Variants in HDAC4 observed in about 807,000 individuals in gnomAD.
HDAC4 encodes histone deacetylase A.
HDAC4 carries 16 observed loss-of-function variants against 135.1 expected under a neutral mutation model. That is an observed-to-expected ratio of 0.12 (90% confidence interval 0.08 to 0.18). The LOEUF (loss-of-function observed/expected upper bound fraction) is 0.18, where lower values mean the gene tolerates loss of function less well. HDAC4 is among the 10% of genes least tolerant of loss of function. HDAC4 has a pLI of 1.00. For synonymous variants in HDAC4, 685 were observed against 653.4 expected (o/e 1.05, Z -0.74); for missense variants, 1,143 against 1,511.8 (o/e 0.76, Z 4.05).
At chr2:239,317,982 A>G (rs1575686292) in intron 2 of HDAC4, among the ~76,000 whole-genome samples, 2 of 150,522 alleles carry the variant, frequency 1.3e-5, no homozygotes, top group East Asian at 3.9e-4. Context: ...GTTTCCAAGA[A>G]CCTCCTGAGG....
Position 239,352,933 on chromosome 2 carries a change from G to A in HDAC4, c.-219-15C>T, listed in dbSNP as rs1025338651. On this transcript the variant is annotated splice_polypyrimidine_tract_variant and intron_variant, in intron 1 of 26. Coordinates refer to ENST00000543185, the MANE Select transcript of HDAC4 (RefSeq NM_001378414.1). This position sits in a 1 kb window ranked among gnomAD's most constrained non-coding sequence, Gnocchi z 4.4. ...TGCAGATGAACCTGCAAGGTCAGAA[G>A]GAGAAAAGAGACTGGAGTTACAACA... The A allele has an allele frequency of 1.8e-5, 10 of 561,636 alleles. No individual in the cohort carries two copies. The African/African-American group carries it at 1.9e-4, about 11-fold the overall frequency. The allele number at this position is 561,636 out of a possible 1,614,324, so 34.8% of individuals were successfully genotyped here.
intron 1 of HDAC4, among the ~76,000 whole-genome samples, chr2:239,354,482 C>G (rs766312383): frequency 9.2e-5 from 14 of 151,528 alleles, no homozygotes; most frequent in Non-Finnish European, 7.4e-5. Context: ...GATCCCAGCT[C>G]AAGTGCTTTC....
intron 4 of HDAC4, among the ~76,000 whole-genome samples, chr2:239,179,225 T>C (rs1470099079): frequency 2.0e-5 from 3 of 152,220 alleles, no homozygotes; most frequent in African/African-American, 7.2e-5. Flanking sequence ...GCCCATGGGA[T>C]GCCACCCACG....
intron 19 of HDAC4, among the ~76,000 whole-genome samples, chr2:239,087,101 C>T (rs868691750): frequency 1.3e-5 from 2 of 152,176 alleles, no homozygotes; most frequent in Admixed American, 6.5e-5. Context: ...CTGAAAGACC[C>T]GAAACAGCAT....
chr2:239,066,844 G>T lies in HDAC4; in HGVS notation c.2881C>A (p.Leu961Met), dbSNP rs774690783. 3 of 1,613,218 alleles carry T rather than the reference G, an allele frequency of 1.9e-6. No individual in the cohort carries two copies. Among genetic ancestry groups the T allele is most frequent in the Non-Finnish European group, 2.5e-6 (3 of 1,179,836 alleles). ...GCCAGGCCCATCAGCTGCTTCGTCAGGTACCCGAAGCCTGCAACGGGAAAC... is the reference window on the plus strand; with the variant it reads ...GCCAGGCCCATCAGCTGCTTCGTCATGTACCCGAAGCCTGCAACGGGAAAC... Reference protein sequence around the residue: ...YNLSARCFGYLTKQLMGLAGG... With the variant: ...YNLSARCFGYMTKQLMGLAGG... Residue 961 changes from leucine (L) to methionine (M), a missense_variant, in exon 24 of 27, where the codon CTG (leucine) becomes ATG (methionine). This residue lies in a region of HDAC4 where 189 missense variants were observed against 317.6 expected (regional missense o/e 0.60). Coordinates refer to ENST00000543185, the MANE Select transcript of HDAC4 (RefSeq NM_001378414.1).
chr2:239,074,222 C>A (rs1158336825), intron 22 of HDAC4, among the ~76,000 whole-genome samples: 1 of 152,248 alleles, frequency 6.6e-6, no homozygotes, highest in Non-Finnish European at 1.5e-5. Context: ...AACACATTTC[C>A]AGCCATGCTT....
intron 2 of HDAC4, among the ~76,000 whole-genome samples, chr2:239,259,437 C>A (rs1448677293): frequency 6.6e-6 from 1 of 152,106 alleles, no homozygotes; most frequent in African/African-American, 2.4e-5. Context: ...GAGCAAGACC[C>A]CGTCTCAAAA....
rs1267414968 is a variant in HDAC4 at position 239,048,256 on chromosome 2, AAAG to A, written c.*4838_*4840del. ...AGAATACTGGACTCCAGTGAAGTGG[AAAG>A]AAGGTGACCGTCAGAAGAGGATATC... On this transcript the variant is annotated 3_prime_UTR_variant, in exon 27 of 27. Transcript: ENST00000543185. The A allele has an allele frequency of 1.3e-5, 2 of 152,312 alleles. No homozygotes were observed. Among genetic ancestry groups the A allele is most frequent in the Non-Finnish European group, 2.9e-5 (2 of 68,060 alleles). The allele number at this position is 152,312 out of a possible 1,614,324, so 9.4% of individuals were successfully genotyped here.
At chr2:239,183,989 C>T (rs1440249166) in intron 4 of HDAC4, among the ~76,000 whole-genome samples, 1 of 149,048 alleles carries the variant, frequency 6.7e-6, no homozygotes, top group Non-Finnish European at 1.5e-5. Flanking sequence ...CTCTCCTATC[C>T]ACTGTGCTCT....
At chr2:239,319,151 A>G (rs2053224525) in intron 2 of HDAC4, among the ~76,000 whole-genome samples, 1 of 152,264 alleles carries the variant, frequency 6.6e-6, no homozygotes, top group Non-Finnish European at 1.5e-5. Flanking sequence ...TATTACTTCC[A>G]GAAGAAAAGT....
chr2:239,086,454 G>A (rs1021910707), intron 19 of HDAC4, among the ~76,000 whole-genome samples: 9 of 151,666 alleles, frequency 5.9e-5, no homozygotes, highest in Admixed American at 3.9e-4. Context: ...TCTAACACGC[G>A]GATCTGACTG....
At chr2:239,131,152 G>T (rs2040554106) in intron 11 of HDAC4, among the ~76,000 whole-genome samples, 1 of 152,244 alleles carries the variant, frequency 6.6e-6, no homozygotes, top group East Asian at 1.9e-4. Context: ...TGACTGGCGA[G>T]GAACTGCCCG....
chr2:239,201,353 T>C (rs1398710279), intron 3 of HDAC4, among the ~76,000 whole-genome samples: 2 of 152,110 alleles, frequency 1.3e-5, no homozygotes, highest in Admixed American at 6.5e-5. Flanking sequence ...TAACCTGCCG[T>C]AGAGACCCAA....
At chr2:239,088,279 CTG>C (rs2036177886) in intron 18 of HDAC4, among the ~76,000 whole-genome samples, 1 of 152,228 alleles carries the variant, frequency 6.6e-6, no homozygotes, top group South Asian at 2.1e-4. Flanking sequence ...CAACAGGACA[CTG>C]TGTGGTCAAG....
intron 3 of HDAC4, among the ~76,000 whole-genome samples, chr2:239,200,155 G>A (rs566825454): frequency 7.6e-4 from 116 of 152,272 alleles, no homozygotes; most frequent in African/African-American, 2.6e-3. Context: ...ACGAACTATC[G>A]ATCTTTACTG....
intron 1 of HDAC4, among the ~76,000 whole-genome samples, chr2:239,366,982 A>G (rs535656319): frequency 7.3e-6 from 1 of 137,416 alleles, no homozygotes; most frequent in South Asian, 2.1e-4. Context: ...AGCTTCACCA[A>G]CAACATGCCT....
At chr2:239,241,944 G>T (rs2153191743) in intron 2 of HDAC4, among the ~76,000 whole-genome samples, 1 of 152,034 alleles carries the variant, frequency 6.6e-6, no homozygotes, top group African/African-American at 2.4e-5. Context: ...TCTTAATATT[G>T]GCAAGGCAAA....
At chr2:239,179,859 C>T (rs1449545785) in intron 4 of HDAC4, among the ~76,000 whole-genome samples, 1 of 152,274 alleles carries the variant, frequency 6.6e-6, no homozygotes, top group Non-Finnish European at 1.5e-5. Context: ...ACAGGGCTCG[C>T]TGCTCCAAGA....
In HDAC4 at chr2:239,313,550, TG is replaced by T. The variant is rs987213324; in HGVS notation, c.22+39127del. On this transcript the variant is annotated intron_variant, in intron 2 of 26. Coordinates refer to ENST00000543185, the MANE Select transcript of HDAC4 (RefSeq NM_001378414.1). The surrounding 1 kb of genome is among the most constrained non-coding windows in gnomAD (Gnocchi z 5.1). ...TGACCGGAATCATCCCAGTTTTCCATGGCACTTCGCAAACACAGCTGGTCAG... is the reference window on the plus strand; with the variant it reads ...TGACCGGAATCATCCCAGTTTTCCATGCACTTCGCAAACACAGCTGGTCAG... Among the ~76,000 whole-genome samples the T allele has an allele frequency of 1.3e-5, 2 of 152,078 alleles. No homozygotes were observed. The highest frequency in any genetic ancestry group is 2.9e-5 in the Non-Finnish European group (2 of 68,012).
Sources: allele counts gnomAD v4.1 joint callset (sites outside exome capture counted in the v4.1 genomes callset), GRCh38; gene constraint gnomAD v4.1.1; regional missense constraint gnomAD v4.1.1; non-coding constraint Gnocchi (gnomAD v3.1); transcripts MANE v1.5; gene names NCBI Gene and HGNC (gene_info 2026-07-23, HGNC 2026-07-21).